The following NRG1 variants were observed in gnomAD, a reference collection of about 807,000 sequenced individuals.
NRG1 encodes the protein neuregulin 1, also known as pro-neuregulin-1, membrane-bound isoform.
In NRG1, 18 loss-of-function variants were observed where a neutral mutation model predicts 63.8. The ratio of observed to expected loss-of-function variants is 0.28; its 90% CI spans 0.19 to 0.42. The LOEUF (loss-of-function observed/expected upper bound fraction) is 0.42, where lower values mean the gene tolerates loss of function less well. Among genes scored for constraint, NRG1 ranks in the 10% least tolerant of loss-of-function variants. The pLI, the probability that NRG1 is intolerant of heterozygous loss-of-function variation, is 1.00. For synonymous variants in NRG1, 302 were observed against 301.3 expected, an observed-to-expected ratio of 1.00 and a Z score of -0.02; for missense variants, 762 against 814.7, an observed-to-expected ratio of 0.94 and a Z score of 0.79.
intron 1 of NRG1, among the ~76,000 whole-genome samples, chr8:31,986,608 T>C (rs951616626): frequency 4.6e-5 from 7 of 152,148 alleles, no homozygotes; most frequent in African/African-American, 9.6e-5. Flanking sequence ...CTTAGTTTTC[T>C]TCTCAAATAA....
chr8:31,685,612 G>A lies in NRG1; in HGVS notation c.37+46181G>A, dbSNP rs530440246. Among the ~76,000 whole-genome samples, 23 of 152,202 alleles carry A rather than the reference G, an allele frequency of 1.5e-4. 1 individual carries two copies. In the South Asian group the frequency reaches 4.8e-3, roughly 32 times the overall value. ...ATGATCATGAGCAATTTTAGGACAT[G>A]TTCATTATCCCAAAAAGAAACCCCA... On this transcript the variant is annotated intron_variant, in intron 1 of 10. Transcript: ENST00000519301.
At chr8:31,994,386 T>C (rs534024982) in intron 1 of NRG1, among the ~76,000 whole-genome samples, 1 of 151,804 alleles carries the variant, frequency 6.6e-6, no homozygotes, top group South Asian at 2.1e-4. Flanking sequence ...GGTGCAGTGG[T>C]TCATACCTGC....
intron 1 of NRG1, among the ~76,000 whole-genome samples, chr8:31,967,815 G>A (rs1195360746): frequency 6.6e-6 from 1 of 152,200 alleles, no homozygotes; most frequent in African/African-American, 2.4e-5. Flanking sequence ...AAAAAAAAGT[G>A]CAGCCACTTC....
intron 1 of NRG1, chr8:32,136,898 T>G (rs899295131): frequency 1.3e-5 from 2 of 152,170 alleles, no homozygotes; most frequent in Non-Finnish European, 2.9e-5. Flanking sequence ...ACCTTAATAT[T>G]AATAGTACTT....
chr8:32,728,924 T>C (rs1352173992), intron 6 of NRG1, among the ~76,000 whole-genome samples: 1 of 151,962 alleles, frequency 6.6e-6, no homozygotes, highest in African/African-American at 2.4e-5. Context: ...AAAAATTAGC[T>C]GGGCGTGGTG....
intron 1 of NRG1, among the ~76,000 whole-genome samples, chr8:32,410,263 C>T (rs1814724314): frequency 6.7e-6 from 1 of 149,094 alleles, no homozygotes. Flanking sequence ...TCACTGCAGC[C>T]TCTACCTCCC....
chr8:32,140,160 A>G (rs888630068), intron 1 of NRG1, among the ~76,000 whole-genome samples: 1 of 152,154 alleles, frequency 6.6e-6, no homozygotes, highest in Non-Finnish European at 1.5e-5. Context: ...TGTAGCCACA[A>G]TGCTGAAGGT....
rs142765457 is a variant in NRG1, at chr8:31,923,920, T to G, written c.37+284489T>G. Among the ~76,000 whole-genome samples the G allele has an allele frequency of 8.5e-5, 13 of 152,110 alleles. No homozygotes were observed. The East Asian group carries it at 2.5e-3, about 30-fold the overall frequency. ...CACATTCATGATGGACAGTGTGCACTCTGCTTCCATGTGCACACATTATTT... is the reference window on the plus strand; with the variant it reads ...CACATTCATGATGGACAGTGTGCACGCTGCTTCCATGTGCACACATTATTT... On this transcript the variant is annotated intron_variant, in intron 1 of 10. Transcript: ENST00000519301.
At chr8:32,654,603 A>G (rs1054097057) in intron 5 of NRG1, among the ~76,000 whole-genome samples, 2 of 151,880 alleles carry the variant, frequency 1.3e-5, no homozygotes, top group Non-Finnish European at 2.9e-5. Flanking sequence ...CATTCCAGCC[A>G]GGGTGACAGA....
chr8:32,199,789 T>C (rs1220087030), intron 1 of NRG1, among the ~76,000 whole-genome samples: 7 of 151,546 alleles, frequency 4.6e-5, no homozygotes, highest in Admixed American at 3.3e-4. Flanking sequence ...TGTTTTAAAC[T>C]TTTTTTTTGA....
chr8:32,502,165 C>T (rs1478622926), intron 1 of NRG1, among the ~76,000 whole-genome samples: 2 of 151,912 alleles, frequency 1.3e-5, no homozygotes, highest in Non-Finnish European at 2.9e-5. Flanking sequence ...TGGGAGGCAT[C>T]GGGAAGCCTC....
intron 1 of NRG1, among the ~76,000 whole-genome samples, chr8:32,300,458 T>C (rs998320386): frequency 9.2e-5 from 14 of 152,266 alleles, no homozygotes; most frequent in African/African-American, 3.1e-4. Context: ...AATCTTAGAG[T>C]TGTTTATCCA....
chr8:32,080,120 A>G (rs939656864), intron 1 of NRG1, among the ~76,000 whole-genome samples: 2 of 152,222 alleles, frequency 1.3e-5, no homozygotes, highest in African/African-American at 2.4e-5. Context: ...TAACACTATC[A>G]GAATATAGAG....
At chr8:32,181,923 C>G (rs1479538904) in intron 1 of NRG1, among the ~76,000 whole-genome samples, 3 of 151,998 alleles carry the variant, frequency 2.0e-5, no homozygotes, top group Admixed American at 6.6e-5. Context: ...ATAACCTTAA[C>G]TAACAGTAAA....
At chr8:31,979,888 C>T (rs760119307) in intron 1 of NRG1, among the ~76,000 whole-genome samples, 1 of 152,028 alleles carries the variant, frequency 6.6e-6, no homozygotes. Flanking sequence ...TTTACAGCTT[C>T]CTCAGCATCT....
intron 1 of NRG1, among the ~76,000 whole-genome samples, chr8:32,461,413 A>G (rs1822289571): frequency 6.6e-6 from 1 of 152,170 alleles, no homozygotes; most frequent in Non-Finnish European, 1.5e-5. Context: ...AAAACCTCAA[A>G]GATGGCTGGG....
intron 1 of NRG1, among the ~76,000 whole-genome samples, chr8:31,980,381 C>G (rs1410796488): frequency 6.6e-6 from 1 of 152,020 alleles, no homozygotes; most frequent in African/African-American, 2.4e-5. Flanking sequence ...TCTATCTTTA[C>G]TTTTGGGATC....
At chr8:31,886,216 A>C (rs1426577645) in intron 1 of NRG1, among the ~76,000 whole-genome samples, 2 of 152,110 alleles carry the variant, frequency 1.3e-5, no homozygotes, top group African/African-American at 4.8e-5. Context: ...AGCATGGAAG[A>C]ATGTTTTAAG....
intron 1 of NRG1, among the ~76,000 whole-genome samples, chr8:32,205,033 C>T (rs993982223): frequency 6.6e-6 from 1 of 152,052 alleles, no homozygotes; most frequent in African/African-American, 2.4e-5. Flanking sequence ...TACTGTGCAA[C>T]CTTCGAACAC....
Sources: allele counts gnomAD v4.1 joint callset (sites outside exome capture counted in the v4.1 genomes callset), GRCh38; gene constraint gnomAD v4.1.1; transcripts MANE v1.5; gene names NCBI Gene and HGNC (gene_info 2026-07-23, HGNC 2026-07-21).